Variants in CHL1 observed in about 807,000 individuals in gnomAD.
The protein encoded by CHL1 is cell adhesion molecule L1 like.
CHL1 carries 96 observed loss-of-function variants against 141.9 expected under a neutral mutation model. The ratio of observed to expected loss-of-function variants is 0.68; its 90% CI spans 0.57 to 0.80. The LOEUF is 0.80. Among genes scored for constraint, CHL1 ranks in the 30% least tolerant of loss-of-function variants. The probability of loss-of-function intolerance (pLI) is 0.00; values close to 1 mark genes in which losing one functional copy is unlikely to be tolerated. For missense variants in CHL1, 1,820 were observed against 1,457.2 expected (o/e 1.25, Z -4.05); for synonymous variants, 613 against 502.2 (o/e 1.22, Z -2.95).
At chr3:382,890 GAAA>G (rs905835963) in intron 18 of CHL1, among the ~76,000 whole-genome samples, 1 of 149,982 alleles carries the variant, frequency 6.7e-6, no homozygotes, top group African/African-American at 2.4e-5. Flanking sequence ...AGTGACATAT[GAAA>G]AAAAAACATT....
chr3:358,972 G>T (rs1703963097), intron 11 of CHL1, among the ~76,000 whole-genome samples: 1 of 141,888 alleles, frequency 7.0e-6, no homozygotes. Context: ...TAAAATATAT[G>T]TTATATATAT....
At chr3:350,337 T>C (rs1378817443) in intron 10 of CHL1, among the ~76,000 whole-genome samples, 2 of 152,174 alleles carry the variant, frequency 1.3e-5, no homozygotes, top group Non-Finnish European at 2.9e-5. Context: ...CTGAATGTGA[T>C]TGACACAGAC....
chr3:374,470 T>A (rs749706866), intron 15 of CHL1, among the ~76,000 whole-genome samples: 9 of 152,106 alleles, frequency 5.9e-5, no homozygotes, highest in South Asian at 2.1e-4. Context: ...CAGAGACCCA[T>A]GGCTGGTGGG....
chr3:280,271 G>A (rs1034296994), intron 2 of CHL1, among the ~76,000 whole-genome samples: 32 of 151,746 alleles, frequency 2.1e-4, no homozygotes, highest in Admixed American at 2.0e-3. Flanking sequence ...AAGAATGAGG[G>A]ATTTTGCAAG....
At chr3:224,236 C>G (rs1701122818) in intron 1 of CHL1, among the ~76,000 whole-genome samples, 1 of 152,088 alleles carries the variant, frequency 6.6e-6, no homozygotes, top group South Asian at 2.1e-4. Flanking sequence ...TAAAGTTAAA[C>G]TATAAACTAA....
chr3:199,921 G>T (rs916677176), intron 1 of CHL1, among the ~76,000 whole-genome samples: 2 of 152,144 alleles, frequency 1.3e-5, no homozygotes, highest in African/African-American at 4.8e-5. Context: ...AATAGTTGGG[G>T]AACTACTGGT....
intron 10 of CHL1, 148 bp from the exon 11 acceptor site, chr3:354,492 T>G: frequency 2.4e-6 from 2 of 824,686 alleles, no homozygotes; most frequent in Non-Finnish European, 3.7e-6. Context: ...CCACCTTGCT[T>G]TGCAGAGCAA....
At chr3:238,439 C>T (rs1361467160) in intron 1 of CHL1, among the ~76,000 whole-genome samples, 1 of 151,700 alleles carries the variant, frequency 6.6e-6, no homozygotes, top group Non-Finnish European at 1.5e-5. Context: ...AAAAAATAGC[C>T]AGTTTTGATC....
rs1447881742 is a variant in CHL1 at position 408,031 on chromosome 3, G to A, written c.*2320G>A. 1 of 152,030 alleles carries A rather than the reference G, an allele frequency of 6.6e-6. No homozygotes were observed. The highest frequency in any genetic ancestry group is 1.5e-5 in the Non-Finnish European group (1 of 67,996). The allele number at this position is 152,030 out of a possible 1,614,324, so 9.4% of individuals were successfully genotyped here. ...AAGGAATAGATCTATGATTGACCCT[G>A]ATTTTAATTGTGAAATTATATGATT... On this transcript the variant is annotated 3_prime_UTR_variant, in exon 28 of 28. Transcript: ENST00000256509.
chr3:229,886 G>A (rs1033483050), intron 1 of CHL1, among the ~76,000 whole-genome samples: 7 of 152,062 alleles, frequency 4.6e-5, no homozygotes, highest in African/African-American at 1.2e-4. Context: ...CAGCCTTCAC[G>A]AGATAAAATT....
Position 302,154 on chromosome 3 carries a change from A to G in CHL1, c.-94-17529A>G, listed in dbSNP as rs2124910291. Among the ~76,000 whole-genome samples the G allele has an allele frequency of 1.3e-5, 2 of 152,336 alleles. 1 individual carries two copies. Among genetic ancestry groups the G allele is most frequent in the South Asian group, 4.1e-4 (2 of 4,830 alleles). Reference sequence around the variant, plus strand: ...TCTTAATCCAGTCTATCACTGATGGACATTTGGGTTGGTTCCAAGTCTTTG... The same window carrying G: ...TCTTAATCCAGTCTATCACTGATGGGCATTTGGGTTGGTTCCAAGTCTTTG... On this transcript the variant is annotated intron_variant, in intron 2 of 27. Coordinates refer to ENST00000256509, the MANE Select transcript of CHL1 (RefSeq NM_006614.4).
chr3:289,688 C>T (rs1399037790), intron 2 of CHL1, among the ~76,000 whole-genome samples: 3 of 151,562 alleles, frequency 2.0e-5, no homozygotes, highest in Non-Finnish European at 4.4e-5. Flanking sequence ...ATTGTATGCT[C>T]ATTAATACAT....
intron 19 of CHL1, chr3:384,358 G>A (rs1374969876): frequency 6.6e-6 from 1 of 152,328 alleles, no homozygotes. Context: ...AAAGCATCAT[G>A]AACGCCTTAT....
chr3:247,507 G>A (rs1387461307), intron 2 of CHL1: 3 of 152,078 alleles, frequency 2.0e-5, no homozygotes, highest in South Asian at 2.1e-4. Context: ...CTTTGTAAGT[G>A]TAGAGGTGGG....
intron 9 of CHL1, among the ~76,000 whole-genome samples, chr3:347,552 A>C (rs548320506): frequency 1.0e-3 from 146 of 140,676 alleles, no homozygotes; most frequent in Non-Finnish European, 1.9e-3. Context: ...AAATTAGACT[A>C]GTTTTCAAAG....
intron 2 of CHL1, among the ~76,000 whole-genome samples, chr3:261,527 C>T (rs1694722065): frequency 6.6e-6 from 1 of 152,154 alleles, no homozygotes; most frequent in Non-Finnish European, 1.5e-5. Context: ...TATTCACTAC[C>T]TGTTTGGCCT....
At chr3:368,544 C>T (rs1369691645) in intron 15 of CHL1, among the ~76,000 whole-genome samples, 1 of 152,064 alleles carries the variant, frequency 6.6e-6, no homozygotes, top group East Asian at 1.9e-4. Context: ...CTGTAGGTTG[C>T]CTGTTCGCTC....
chr3:363,086 C>A, intron 13 of CHL1, 131 bp from the exon 14 acceptor site: 2 of 689,590 alleles, frequency 2.9e-6, no homozygotes, highest in Non-Finnish European at 4.8e-6. Context: ...ATATGAAACC[C>A]ACTGGAACAT....
chr3:206,153 G>A (rs1377313779), intron 1 of CHL1, among the ~76,000 whole-genome samples: 1 of 152,192 alleles, frequency 6.6e-6, no homozygotes, highest in Non-Finnish European at 1.5e-5. Context: ...CCTATTCCAG[G>A]AATGGTGGCA....
Sources: allele counts gnomAD v4.1 joint callset (sites outside exome capture counted in the v4.1 genomes callset), GRCh38; gene constraint gnomAD v4.1.1; transcripts MANE v1.5; gene names NCBI Gene and HGNC (gene_info 2026-07-23, HGNC 2026-07-21).